The following CPNE3 variants were observed in gnomAD, a reference collection of about 807,000 sequenced individuals.
The protein encoded by CPNE3 is copine-3.
A neutral mutation model predicts 63.9 loss-of-function variants in CPNE3; 68 were observed. That is an observed-to-expected ratio of 1.06 (90% CI 0.87 to 1.30). CPNE3 has a LOEUF of 1.30. CPNE3 is among the 50% of genes most tolerant of loss of function. The pLI, the probability that CPNE3 is intolerant of heterozygous loss-of-function variation, is 0.00. For synonymous variants in CPNE3, 219 were observed against 197.5 expected, an observed-to-expected ratio of 1.11 and a Z score of -0.91; for missense variants, 665 against 578.1, an observed-to-expected ratio of 1.15 and a Z score of -1.54.
chr8:86,549,721 C>G (rs549461497), intron 12 of CPNE3, among the ~76,000 whole-genome samples: 1 of 152,214 alleles, frequency 6.6e-6, no homozygotes, highest in Admixed American at 6.5e-5. Flanking sequence ...TAGGGGAGTT[C>G]TGCTGTTCTC....
intron 14 of CPNE3, 61 bp downstream of exon 14, chr8:86,551,295 T>G (rs1821172506): frequency 9.0e-7 from 1 of 1,113,870 alleles, no homozygotes; most frequent in Non-Finnish European, 1.3e-6. Context: ...TTTGTTATTT[T>G]GTTCTTTGTT....
intron 6 of CPNE3, among the ~76,000 whole-genome samples, chr8:86,535,673 TA>T (rs1213949043): frequency 6.6e-6 from 1 of 151,994 alleles, no homozygotes; most frequent in Non-Finnish European, 1.5e-5. Context: ...CAGAGATAAT[TA>T]AAAAAAATAT....
intron 6 of CPNE3, among the ~76,000 whole-genome samples, chr8:86,534,100 T>G (rs1157009658): frequency 6.6e-6 from 1 of 152,090 alleles, no homozygotes; most frequent in Non-Finnish European, 1.5e-5. Flanking sequence ...CATCTTTTTT[T>G]TTTTTCAAAA....
chr8:86,548,902 A>G (rs941067990), intron 12 of CPNE3, among the ~76,000 whole-genome samples: 16 of 152,156 alleles, frequency 1.1e-4, no homozygotes, highest in Non-Finnish European at 2.2e-4. Flanking sequence ...ATTTCTTAGC[A>G]TATCTATGTC....
At chr8:86,519,221 A>G (rs561747987) in intron 2 of CPNE3, among the ~76,000 whole-genome samples, 1 of 152,362 alleles carries the variant, frequency 6.6e-6, no homozygotes, top group Admixed American at 6.5e-5. Context: ...AACATATGTT[A>G]AGTAAACTTT....
At chr8:86,550,686 C>T (rs1821153491) in intron 12 of CPNE3, among the ~76,000 whole-genome samples, 1 of 152,084 alleles carries the variant, frequency 6.6e-6, no homozygotes, top group Non-Finnish European at 1.5e-5. Flanking sequence ...AATGAGTTTG[C>T]CATCAATTAG....
intron 7 of CPNE3, among the ~76,000 whole-genome samples, chr8:86,538,691 G>A (rs981901189): frequency 4.6e-5 from 7 of 152,054 alleles, no homozygotes; most frequent in Non-Finnish European, 1.0e-4. Context: ...CCAACATTCT[G>A]GATTCTTCTG....
chr8:86,540,283 C>A lies in CPNE3; in HGVS notation c.582C>A (p.Phe194Leu), dbSNP rs139619960. The change falls in exon 8 of 17, where the codon TTC becomes TTA. Residue 194 changes from phenylalanine (F) to leucine (L), a missense_variant. Transcript: ENST00000517490. ...KNNLNPVWRP[F>L]KISLNSLCYG... ...ACTTGAATCCTGTTTGGAGGCCTTT[C>A]AAGATCTCTCTTAACTCACTGTGTT... The A allele has an allele frequency of 1.9e-6, 3 of 1,609,368 alleles. No homozygotes were observed. The highest frequency in any genetic ancestry group is 1.3e-5 in the African/African-American group (1 of 74,540).
At chr8:86,555,541 T>C (rs1257022049) in intron 15 of CPNE3, among the ~76,000 whole-genome samples, 1 of 152,218 alleles carries the variant, frequency 6.6e-6, no homozygotes, top group Non-Finnish European at 1.5e-5. Flanking sequence ...ATCTTATTCC[T>C]ATTCTAGACT....
intron 4 of CPNE3, among the ~76,000 whole-genome samples, chr8:86,530,331 G>A (rs567867671): frequency 6.6e-6 from 1 of 152,214 alleles, no homozygotes; most frequent in Non-Finnish European, 1.5e-5. Flanking sequence ...CACTGCACCT[G>A]GCTAATTTTT....
At chr8:86,533,170 G>C (rs952006428) in intron 6 of CPNE3, among the ~76,000 whole-genome samples, 23 of 152,180 alleles carry the variant, frequency 1.5e-4, no homozygotes, top group African/African-American at 5.3e-4. Context: ...GGGATTGCAG[G>C]TGTGAGCCCC....
intron 2 of CPNE3, chr8:86,521,614 A>G (rs1413439677): frequency 6.6e-6 from 1 of 152,204 alleles, no homozygotes; most frequent in African/African-American, 2.4e-5. Context: ...CTAATTAACT[A>G]TTAATTAGAG....
In CPNE3 at chr8:86,537,637, T is replaced by C; in HGVS notation, c.534T>C (p.His178=). Residue 178 remains histidine, a synonymous_variant, in exon 7 of 17, where the codon CAT becomes CAC. Transcript: ENST00000517490. ...CTGATGGAAACTGGCTAATGGTTCATCGGACAGAGGTGAATATTTGAATTT... is the reference window on the plus strand; with the variant it reads ...CTGATGGAAACTGGCTAATGGTTCACCGGACAGAGGTGAATATTTGAATTT... ...QTSDGNWLMV[H]RTEVVKNNLN... 6.3e-7 allele frequency: 1 copy of C among 1,593,652 alleles called. No homozygotes were observed. Among genetic ancestry groups the C allele is most frequent in the South Asian group, 1.1e-5 (1 of 90,618 alleles).
intron 14 of CPNE3, among the ~76,000 whole-genome samples, chr8:86,554,542 A>T (rs1026492496): frequency 2.0e-5 from 3 of 152,216 alleles, no homozygotes. Context: ...TTTCTATCAG[A>T]GCCACATTCC....
intron 10 of CPNE3, 48 bp downstream of exon 10, chr8:86,546,729 T>C: frequency 6.4e-7 from 1 of 1,561,978 alleles, no homozygotes; most frequent in Non-Finnish European, 8.6e-7. Context: ...TTATTCTTTT[T>C]GAGCTGGAGC....
rs1366237837 is a variant in CPNE3, at chr8:86,547,686, ATTTTAAG to A, written c.820-20_820-14del. The A allele has an allele frequency of 1.0e-6, 1 of 984,990 alleles. No homozygotes were observed. Among genetic ancestry groups the A allele is most frequent in the Non-Finnish European group, 1.6e-6 (1 of 617,980 alleles). 61.0% of individuals were successfully genotyped at this position (984,990 alleles called of 1,614,324 possible). A position where few individuals can be genotyped will look rare whatever the true frequency, so the allele number is the denominator to read the frequency against. On this transcript the variant is annotated intron_variant, in intron 10 of 16. Transcript: ENST00000517490. ...TCTCTTGTATAGTAGGAGAGTTGTA[ATTTTAAG>A]TTTTCTCTTATTTTTAGATTACAGT...
At chr8:86,530,256 A>G (rs988306049) in intron 4 of CPNE3, among the ~76,000 whole-genome samples, 1 of 149,968 alleles carries the variant, frequency 6.7e-6, no homozygotes, top group African/African-American at 2.5e-5. Flanking sequence ...TACAGCCTTG[A>G]CCTCCCGGGT....
In CPNE3 at chr8:86,558,528, C is replaced by G. The variant is rs1026125681; in HGVS notation, c.*118C>G. 19 of 782,592 alleles carry G rather than the reference C, an allele frequency of 2.4e-5. No homozygotes were observed. The highest frequency in any genetic ancestry group is 3.6e-5 in the Non-Finnish European group (16 of 441,580). 48.5% of individuals were successfully genotyped at this position (782,592 alleles called of 1,614,324 possible). On this transcript the variant is annotated 3_prime_UTR_variant, in exon 17 of 17. Coordinates refer to ENST00000517490, the MANE Select transcript of CPNE3 (RefSeq NM_003909.5). ...GCATTTATGATGTAAATCTCTTTCT[C>G]TATGGATTATATCTGTTTAAAGCAT...
In CPNE3 at chr8:86,559,674, T is replaced by G. The variant is rs529955948; in HGVS notation, c.*1264T>G. 58 of 152,198 alleles carry G rather than the reference T, an allele frequency of 3.8e-4. No homozygotes were observed. The highest frequency in any genetic ancestry group is 1.4e-3 in the African/African-American group (57 of 41,546). The allele number at this position is 152,198 out of a possible 1,614,324, so 9.4% of individuals were successfully genotyped here. A position where few individuals can be genotyped will look rare whatever the true frequency, so the allele number is the denominator to read the frequency against. On this transcript the variant is annotated 3_prime_UTR_variant, in exon 17 of 17. Transcript: ENST00000517490. ...AAGAGTTGAATTTCTTTTCCTGACTTTTACCTTTTACAGCGTATTACTTAG... is the reference window on the plus strand; with the variant it reads ...AAGAGTTGAATTTCTTTTCCTGACTGTTACCTTTTACAGCGTATTACTTAG...
Sources: gnomAD v4.1 joint callset for allele counts (sites outside exome capture counted in the v4.1 genomes callset) on GRCh38, gnomAD v4.1.1 for gene constraint, MANE v1.5 for transcripts, NCBI Gene and HGNC (gene_info 2026-07-23, HGNC 2026-07-21) for gene names.